The following ZFYVE26 variants were observed in gnomAD, a reference collection of about 807,000 sequenced individuals.
The protein encoded by ZFYVE26 is zinc finger FYVE domain-containing protein 26.
Under a neutral mutation model 276.5 loss-of-function variants are expected in ZFYVE26, and 181 were observed. That is an observed-to-expected ratio of 0.65 (90% CI 0.58 to 0.74). ZFYVE26 has a LOEUF of 0.74. ZFYVE26 is among the 30% of genes least tolerant of loss of function. The probability of loss-of-function intolerance (pLI) is 0.00; values close to 1 mark genes in which losing one functional copy is unlikely to be tolerated. For synonymous variants in ZFYVE26, 1,129 were observed against 1,203.1 expected (o/e 0.94, Z 1.27); for missense variants, 2,821 against 3,097.9 (o/e 0.91, Z 2.12).
At chr14:67,754,290 T>A in intron 37 of ZFYVE26, 78 bp from the exon 38 acceptor site, 2 of 1,576,166 alleles carry the variant, frequency 1.3e-6, no homozygotes, top group Non-Finnish European at 1.7e-6. Context: ...AGAAGTCGAA[T>A]AATATGGCAA....
At position 67,752,523 on chromosome 14, in the gene ZFYVE26, A is replaced by G; in HGVS notation, c.7192T>C (p.Phe2398Leu). The G allele has an allele frequency of 6.2e-7, 1 of 1,614,180 alleles. No individual in the cohort carries two copies. The highest frequency in any genetic ancestry group is 8.5e-7 in the Non-Finnish European group (1 of 1,180,036). ...FGIAFRVLQD[F>L]QLDAAMTYCR... The stretch of plus-strand genomic sequence containing the variant: ...TAGGTCATGGCAGCATCCAGCTGGA[A>G]GTCCTAGAACAGAACACAACATGAT... Residue 2398 changes from phenylalanine (F) to leucine (L), a missense_variant, in exon 40 of 42, where the codon TTC becomes CTC. Physicochemically the swap from Phe to Leu is conservative, Grantham distance 22. Coordinates refer to ENST00000347230, the MANE Select transcript of ZFYVE26 (RefSeq NM_015346.4).
At chr14:67,732,982 G>T (rs903473408) in intron 13 of ZFYVE26, among the ~76,000 whole-genome samples, 1 of 152,104 alleles carries the variant, frequency 6.6e-6, no homozygotes, top group Non-Finnish European at 1.5e-5. Context: ...AACATGGGGG[G>T]AGCGGGGAGG....
chr14:67,790,884 G>T, intron 14 of ZFYVE26, 111 bp from the exon 15 acceptor site: 1 of 969,286 alleles, frequency 1.0e-6, no homozygotes. Flanking sequence ...ATGTCTTTGT[G>T]CTTTGTAGGG....
At chr14:67,811,120 A>G (rs1212441899) in intron 3 of ZFYVE26, among the ~76,000 whole-genome samples, 2 of 152,218 alleles carry the variant, frequency 1.3e-5, no homozygotes, top group East Asian at 3.8e-4. Flanking sequence ...TCATGCTGGG[A>G]AGCTGAGGAT....
At chr14:67,755,915 C>A in intron 36 of ZFYVE26, 33 bp downstream of exon 36, 1 of 1,613,004 alleles carries the variant, frequency 6.2e-7, no homozygotes, top group Non-Finnish European at 8.5e-7. Context: ...GCACCAGCAA[C>A]AGAGGTAGAA....
In ZFYVE26 at chr14:67,805,509, T is replaced by A; in HGVS notation, c.1127A>T (p.His376Leu). The change falls in exon 7 of 42, where the codon CAC becomes CTC. Residue 376 changes from histidine (H) to leucine (L), a missense_variant. Coordinates refer to ENST00000347230, the MANE Select transcript of ZFYVE26 (RefSeq NM_015346.4). ...SCLLVLLGWT[H>L]CQSLESAKRL... is the part of the protein sequence containing the mutation. ...CTTGGCTGACTCTAGGCTCTGGCAG[T>A]GTGTCCAGCCCAGGAGTACAAGCAG... The A allele has an allele frequency of 6.2e-7, 1 of 1,614,150 alleles. No individual in the cohort carries two copies. Among genetic ancestry groups the A allele is most frequent in the Non-Finnish European group, 8.5e-7 (1 of 1,180,022 alleles).
At position 67,785,278 on chromosome 14, in the gene ZFYVE26, C is replaced by G; in HGVS notation, c.3305-1G>C. 2 of 1,596,092 alleles carry G rather than the reference C, an allele frequency of 1.3e-6. No individual in the cohort carries two copies. The highest frequency in any genetic ancestry group is 1.7e-6 in the Non-Finnish European group (2 of 1,171,408). ...GAAGACAGTGGAGGAGTCCTGGGCT[C>G]TGAGAGGAGGATGGCAGGAGAAAGG... On this transcript the variant is annotated splice_acceptor_variant, in intron 18 of 41. Coordinates refer to ENST00000347230, the MANE Select transcript of ZFYVE26 (RefSeq NM_015346.4). LOFTEE classifies it high-confidence loss of function.
At position 67,729,307 on chromosome 14, in the gene ZFYVE26, C is replaced by T. The variant is rs2038235703; in HGVS notation, n.3192G>A. On this transcript the variant is annotated non_coding_transcript_exon_variant, in exon 14 of 15. Transcript: ENST00000394455. ...CTTCTCCCCCTTTGTCAAGACGGCA[C>T]GGGAGGGGGCGCAGACCAGCCTGCA... is the stretch of plus-strand genomic sequence containing the variant. 6.2e-7 allele frequency: 1 copy of T among 1,601,304 alleles called. No homozygotes were observed. The highest frequency in any genetic ancestry group is 1.1e-5 in the South Asian group (1 of 90,994).
chr14:67,761,011 C>T (rs985768162), intron 35 of ZFYVE26: 39 of 554,236 alleles, frequency 7.0e-5, no homozygotes, highest in South Asian at 6.1e-4. Context: ...GGTAGGGAGG[C>T]GCGTGGAAGC....
intron 14 of ZFYVE26, 92 bp from the exon 15 acceptor site, chr14:67,790,865 G>T: frequency 1.7e-6 from 2 of 1,199,196 alleles, no homozygotes; most frequent in Non-Finnish European, 2.5e-6. Flanking sequence ...ATTAGACTGT[G>T]GCCCTAAGAT....
intron 15 of ZFYVE26, 87 bp from the exon 16 acceptor site, chr14:67,789,685 T>C (rs2039761135): frequency 1.9e-6 from 3 of 1,567,974 alleles, no homozygotes; most frequent in African/African-American, 2.7e-5. Context: ...ACTTTCAAAA[T>C]GTTTGAGGTT....
chr14:67,811,524 C>T (rs1181538406), intron 3 of ZFYVE26, among the ~76,000 whole-genome samples: 3 of 152,090 alleles, frequency 2.0e-5, no homozygotes, highest in African/African-American at 7.2e-5. Context: ...GGATTGAGGT[C>T]AGAAGATTTT....
chr14:67,816,002 G>A lies in ZFYVE26; in HGVS notation c.-39C>T, dbSNP rs1380457154. The A allele has an allele frequency of 5.2e-6, 8 of 1,533,216 alleles. No individual in the cohort carries two copies. Among genetic ancestry groups the A allele is most frequent in the Non-Finnish European group, 7.1e-6 (8 of 1,127,792 alleles). 95.0% of individuals were successfully genotyped at this position (1,533,216 alleles called of 1,614,324 possible). ...AGTGCAGGGAGATACAAAGAAATGA[G>A]TTATGCCGAACACATTCTCAATGTT... is the stretch of plus-strand genomic sequence containing the variant. On this transcript the variant is annotated 5_prime_UTR_variant, in exon 2 of 42. Coordinates refer to ENST00000347230, the MANE Select transcript of ZFYVE26 (RefSeq NM_015346.4).
chr14:67,798,673 T>C (rs766703165), intron 10 of ZFYVE26, 51 bp from the exon 11 acceptor site: 51 of 1,527,816 alleles, frequency 3.3e-5, no homozygotes, highest in Non-Finnish European at 4.1e-5. Flanking sequence ...AGACAGAGAA[T>C]GCAAACATTA....
In ZFYVE26 at chr14:67,785,933, C is replaced by T. The variant is rs1181438271; in HGVS notation, c.3229G>A (p.Val1077Ile). 6.2e-7 allele frequency: 1 copy of T among 1,614,204 alleles called. No individual in the cohort carries two copies. Among genetic ancestry groups the T allele is most frequent in the African/African-American group, 1.3e-5 (1 of 75,062 alleles). ...MCWPSLSEDC[V>I]ASHTTLSQQL... Reference sequence around the variant, plus strand: ...TGGGAGAGGGTGGTGTGGCTGGCAACACAGTCCTCGCTTAGGCTGGGCCAG... The same window carrying T: ...TGGGAGAGGGTGGTGTGGCTGGCAATACAGTCCTCGCTTAGGCTGGGCCAG... The change falls in exon 18 of 42, where the codon GTT becomes ATT. Residue 1077 changes from valine (V) to isoleucine (I), a missense_variant. By Grantham distance (29) the Val-to-Ile change is conservative (BLOSUM62 3). Transcript: ENST00000347230.
rs758129271 is a variant in ZFYVE26 at position 67,804,064 on chromosome 14, G to A, written c.1435+37C>T. 76 of 1,612,310 alleles carry A rather than the reference G, an allele frequency of 4.7e-5. 1 individual carries two copies. The highest frequency in any genetic ancestry group is 4.1e-4 in the South Asian group (37 of 91,006). On this transcript the variant is annotated intron_variant, in intron 9 of 41. Coordinates refer to ENST00000347230, the MANE Select transcript of ZFYVE26 (RefSeq NM_015346.4). ...GAAGAAATGTGTAAGAATGTCCTAA[G>A]AGGAAATCCTGGCCAGGTCATTCCA...
intron 21 of ZFYVE26, among the ~76,000 whole-genome samples, 177 bp downstream of exon 21, chr14:67,782,602 AC>A (rs1428497175): frequency 6.6e-6 from 1 of 152,168 alleles, no homozygotes; most frequent in African/African-American, 2.4e-5. Flanking sequence ...GCTCTACTCT[AC>A]CACTTACCAC....
At chr14:67,735,572 TG>T (rs1470757682) in intron 13 of ZFYVE26, among the ~76,000 whole-genome samples, 9 of 152,214 alleles carry the variant, frequency 5.9e-5, no homozygotes, top group African/African-American at 2.2e-4. Context: ...GATATGGATA[TG>T]GCTTCCTGCC....
At position 67,797,708 on chromosome 14, in the gene ZFYVE26, G is replaced by A; in HGVS notation, c.2296C>T (p.Leu766Phe). The change falls in exon 12 of 42, where the codon CTC becomes TTC. Residue 766 changes from leucine to phenylalanine, a missense_variant. Leu to Phe is a conservative substitution (Grantham distance 22, BLOSUM62 0). Transcript: ENST00000347230. Reference sequence around the variant, plus strand: ...CTTCTTGTCCGACGACCCCGGCGGAGACTGGGGTGACGTGTGGCAGGCTGG... The same window carrying A: ...CTTCTTGTCCGACGACCCCGGCGGAAACTGGGGTGACGTGTGGCAGGCTGG... The part of the protein sequence containing the change: ...RYQPATRHPS[L>F]RRGRRTRRSQ... 1 of 1,614,190 alleles carries A rather than the reference G, an allele frequency of 6.2e-7. No homozygotes were observed. Among genetic ancestry groups the A allele is most frequent in the Non-Finnish European group, 8.5e-7 (1 of 1,180,038 alleles).
Sources: gnomAD v4.1 joint callset for allele counts (sites outside exome capture counted in the v4.1 genomes callset) on GRCh38, gnomAD v4.1.1 for gene constraint, MANE v1.5 for transcripts, NCBI Gene and HGNC (gene_info 2026-07-23, HGNC 2026-07-21) for gene names.